Variants in SCAPER observed in about 807,000 individuals in gnomAD.
SCAPER encodes the protein S phase cyclin A-associated protein in the endoplasmic reticulum.
A neutral mutation model predicts 182.2 loss-of-function variants in SCAPER; 98 were observed. That is an observed-to-expected ratio of 0.54 (90% confidence interval 0.46 to 0.64). SCAPER has a LOEUF of 0.64. Ranked by LOEUF, SCAPER falls within the 30% of genes least tolerant of loss-of-function variation. SCAPER has a pLI of 0.00. For synonymous variants in SCAPER, 605 were observed against 564.6 expected (o/e 1.07, Z -1.01); for missense variants, 1,432 against 1,690.0 (o/e 0.85, Z 2.68).
At chr15:76,843,550 T>C (rs2151787447) in intron 4 of SCAPER, among the ~76,000 whole-genome samples, 1 of 152,258 alleles carries the variant, frequency 6.6e-6, no homozygotes, top group East Asian at 1.9e-4. Flanking sequence ...ATGTAAGGTA[T>C]GATTATCATA....
chr15:76,847,967 A>T (rs1459044236), intron 4 of SCAPER, among the ~76,000 whole-genome samples: 1 of 152,154 alleles, frequency 6.6e-6, no homozygotes, highest in Non-Finnish European at 1.5e-5. Context: ...CTCTCCCTGT[A>T]TTTAGCAGGT....
chr15:76,437,607 A>G (rs1281488672), intron 25 of SCAPER, among the ~76,000 whole-genome samples: 1 of 152,216 alleles, frequency 6.6e-6, no homozygotes, highest in African/African-American at 2.4e-5. Context: ...TTCATTCATC[A>G]CAAATTTTCA....
At chr15:76,826,210 C>T (rs528333445) in intron 5 of SCAPER, among the ~76,000 whole-genome samples, 53 of 152,018 alleles carry the variant, frequency 3.5e-4, no homozygotes, top group Admixed American at 2.9e-3. Context: ...GGCACATATA[C>T]ACCATGGAAT....
In SCAPER at chr15:76,470,377, C is replaced by T. The variant is rs184496851; in HGVS notation, c.3078+835G>A. ...ACCTGAATCTGGGGAAAGAGTCAGG[C>T]TGGGGAAGATCTCATGAAGAAGGTA... On this transcript the variant is annotated intron_variant, in intron 25 of 31. Coordinates refer to ENST00000563290, the MANE Select transcript of SCAPER (RefSeq NM_020843.4). 1.7e-3 allele frequency among the ~76,000 whole-genome samples: 263 copies of T among 152,148 alleles called. 1 individual carries two copies. The highest frequency in any genetic ancestry group is 6.0e-3 in the African/African-American group (249 of 41,520).
intron 26 of SCAPER, among the ~76,000 whole-genome samples, chr15:76,423,467 C>A (rs968794195): frequency 6.6e-6 from 1 of 152,216 alleles, no homozygotes; most frequent in South Asian, 2.1e-4. Flanking sequence ...GTGGTGATAT[C>A]CCGTTCATCA....
chr15:76,714,114 G>T (rs1377910938), intron 17 of SCAPER, among the ~76,000 whole-genome samples: 1 of 152,092 alleles, frequency 6.6e-6, no homozygotes, highest in Non-Finnish European at 1.5e-5. Context: ...AAATAGTGCA[G>T]AGTAAAAGAT....
At chr15:76,532,993 C>G (rs2043810079) in intron 23 of SCAPER, among the ~76,000 whole-genome samples, 1 of 152,156 alleles carries the variant, frequency 6.6e-6, no homozygotes, top group Non-Finnish European at 1.5e-5. Context: ...AAATAATTAC[C>G]TTTTAGAAAC....
At chr15:76,899,373 G>T (rs187999407) in intron 1 of SCAPER, among the ~76,000 whole-genome samples, 37 of 152,212 alleles carry the variant, frequency 2.4e-4, no homozygotes, top group African/African-American at 8.7e-4. Context: ...CATGTTGACC[G>T]TGCTGGTCTC....
intron 8 of SCAPER, among the ~76,000 whole-genome samples, chr15:76,775,505 G>A (rs186788094): frequency 6.6e-6 from 1 of 152,152 alleles, no homozygotes; most frequent in East Asian, 1.9e-4. Flanking sequence ...GAGACAAAGA[G>A]AAATTAAGTA....
At chr15:76,486,977 T>G (rs1283965439) in intron 24 of SCAPER, among the ~76,000 whole-genome samples, 1 of 152,168 alleles carries the variant, frequency 6.6e-6, no homozygotes, top group Non-Finnish European at 1.5e-5. Flanking sequence ...ATCTGGTACA[T>G]GTACACCATG....
At chr15:76,414,672 C>A (rs907698960) in intron 26 of SCAPER, among the ~76,000 whole-genome samples, 1 of 151,880 alleles carries the variant, frequency 6.6e-6, no homozygotes, top group Non-Finnish European at 1.5e-5. Context: ...GTATTTAACA[C>A]CAATAAAGAG....
intron 6 of SCAPER, among the ~76,000 whole-genome samples, chr15:76,802,744 TA>T (rs2065886763): frequency 6.6e-6 from 1 of 152,152 alleles, no homozygotes; most frequent in Admixed American, 6.5e-5. Flanking sequence ...TTTCACCCAC[TA>T]AGATTGAACC....
chr15:76,447,850 G>A (rs1367491962), intron 25 of SCAPER, among the ~76,000 whole-genome samples: 1 of 152,176 alleles, frequency 6.6e-6, no homozygotes, highest in Non-Finnish European at 1.5e-5. Flanking sequence ...TAAGTAAAAT[G>A]TAATTCGAAT....
chr15:76,847,323 C>A (rs896777059), intron 4 of SCAPER, among the ~76,000 whole-genome samples: 8 of 151,592 alleles, frequency 5.3e-5, no homozygotes, highest in Non-Finnish European at 8.8e-5. Context: ...GCACATGTAT[C>A]CCAGAACTTA....
chr15:76,506,613 A>G (rs942309530), intron 23 of SCAPER, among the ~76,000 whole-genome samples: 1 of 152,140 alleles, frequency 6.6e-6, no homozygotes, highest in Non-Finnish European at 1.5e-5. Flanking sequence ...TGGGAAGAGA[A>G]GAAGCACTCC....
At chr15:76,857,045 C>CTTT (rs1687702118) in intron 4 of SCAPER, among the ~76,000 whole-genome samples, 1 of 151,996 alleles carries the variant, frequency 6.6e-6, no homozygotes, top group African/African-American at 2.4e-5. Flanking sequence ...CATCCTACAA[C>CTTT]CTAAAGGCAT....
At position 76,766,740 on chromosome 15, in the gene SCAPER, C is replaced by T. The variant is rs115003551; in HGVS notation, c.1419+178G>A. Among the ~76,000 whole-genome samples the T allele has an allele frequency of 9.0e-3, 1,370 of 152,234 alleles. 21 individuals are homozygous for T. Among genetic ancestry groups the T allele is most frequent in the African/African-American group, 0.032 (1,331 of 41,540 alleles). ...TGGTAAAGTGCTAACAAAAGATTTG[C>T]TATTGTTTATTGTGTAAGTCTAAAT... is the stretch of plus-strand genomic sequence containing the variant. On this transcript the variant is annotated intron_variant, in intron 11 of 31. Transcript: ENST00000563290.
At chr15:76,438,857 T>G (rs2047373916) in intron 25 of SCAPER, among the ~76,000 whole-genome samples, 1 of 152,188 alleles carries the variant, frequency 6.6e-6, no homozygotes, top group Non-Finnish European at 1.5e-5. Context: ...TTAAAAACAG[T>G]GTTTTTCGCT....
At chr15:76,810,131 T>A (rs1018228959) in intron 5 of SCAPER, among the ~76,000 whole-genome samples, 3 of 151,924 alleles carry the variant, frequency 2.0e-5, no homozygotes, top group Non-Finnish European at 4.4e-5. Flanking sequence ...GAAACAAAAA[T>A]AAACTAAATA....
Sources: allele counts gnomAD v4.1 joint callset (sites outside exome capture counted in the v4.1 genomes callset), GRCh38; gene constraint gnomAD v4.1.1; transcripts MANE v1.5; gene names NCBI Gene and HGNC (gene_info 2026-07-23, HGNC 2026-07-21).